DTNB: variants seen among roughly 807,000 people sequenced by gnomAD.
The protein encoded by DTNB is DTN-B.
In DTNB, 63 loss-of-function variants were observed where a neutral mutation model predicts 90.7. That is an observed-to-expected ratio of 0.69 (90% CI 0.57 to 0.86). DTNB has a LOEUF of 0.86. Ranked by LOEUF, DTNB falls within the 40% of genes least tolerant of loss-of-function variation. The pLI, the probability that DTNB is intolerant of heterozygous loss-of-function variation, is 0.00. For synonymous variants in DTNB, 277 were observed against 286.7 expected (o/e 0.97, Z 0.34); for missense variants, 744 against 807.1 (o/e 0.92, Z 0.95).
chr2:25,443,056 AC>A (rs955291378), intron 12 of DTNB, among the ~76,000 whole-genome samples: 9 of 152,324 alleles, frequency 5.9e-5, no homozygotes, highest in Admixed American at 5.9e-4. Flanking sequence ...AGTTTAGGAG[AC>A]AAAAGGTGAG....
At chr2:25,578,801 A>C (rs1245181043) in intron 7 of DTNB, among the ~76,000 whole-genome samples, 1 of 152,194 alleles carries the variant, frequency 6.6e-6, no homozygotes, top group Non-Finnish European at 1.5e-5. Context: ...ACTTTTGCTT[A>C]AGTGAATATT....
chr2:25,532,242 T>C (rs1046377902), intron 8 of DTNB, among the ~76,000 whole-genome samples: 4 of 118,318 alleles, frequency 3.4e-5, no homozygotes, highest in African/African-American at 1.1e-4. Flanking sequence ...CAAAACTCTG[T>C]CTCAAAAAAA....
chr2:25,599,842 C>A (rs1343941164), intron 5 of DTNB, among the ~76,000 whole-genome samples: 1 of 152,144 alleles, frequency 6.6e-6, no homozygotes, highest in Non-Finnish European at 1.5e-5. Flanking sequence ...CACCTGTAAT[C>A]CCAGAACTTT....
At chr2:25,475,857 T>C (rs1307922385) in intron 10 of DTNB, among the ~76,000 whole-genome samples, 1 of 152,170 alleles carries the variant, frequency 6.6e-6, no homozygotes, top group African/African-American at 2.4e-5. Flanking sequence ...TGACAGCACA[T>C]CTGTTTACAG....
At chr2:25,527,405 C>T (rs978428072) in intron 9 of DTNB, among the ~76,000 whole-genome samples, 1 of 152,130 alleles carries the variant, frequency 6.6e-6, no homozygotes, top group South Asian at 2.1e-4. Flanking sequence ...TGCCTGTAGT[C>T]CCAGCTACTC....
chr2:25,384,616 G>A (rs2038939138), intron 18 of DTNB, among the ~76,000 whole-genome samples: 1 of 152,200 alleles, frequency 6.6e-6, no homozygotes, highest in South Asian at 2.1e-4. Flanking sequence ...CTACAGAGGA[G>A]AAAACTAGGA....
intron 8 of DTNB, among the ~76,000 whole-genome samples, chr2:25,551,098 G>A (rs2083552738): frequency 2.0e-5 from 3 of 152,158 alleles, no homozygotes; most frequent in African/African-American, 7.2e-5. Context: ...AGTTTTGGAA[G>A]AACTTCTTCT....
chr2:25,450,660 T>A (rs1238518564), intron 12 of DTNB, among the ~76,000 whole-genome samples: 1 of 152,258 alleles, frequency 6.6e-6, no homozygotes, highest in East Asian at 1.9e-4. Context: ...CAATATTAAA[T>A]CTTTTAATCC....
Position 25,383,829 on chromosome 2 carries a change from C to A in DTNB, c.1879+7G>T, listed in dbSNP as rs2038634651. 1 of 1,613,906 alleles carries A rather than the reference C, an allele frequency of 6.2e-7. No individual in the cohort carries two copies. Among genetic ancestry groups the A allele is most frequent in the African/African-American group, 1.3e-5 (1 of 74,906 alleles). On this transcript the variant is annotated splice_region_variant and intron_variant, in intron 19 of 20. Coordinates refer to ENST00000406818, the MANE Select transcript of DTNB (RefSeq NM_021907.5). ...TTAAACGAGCAGTCCTGCTGAGCTG[C>A]CTTTACCTCTGTCTTTCCCATTCTG...
At chr2:25,642,433 T>C (rs1282951290) in intron 2 of DTNB, among the ~76,000 whole-genome samples, 1 of 151,778 alleles carries the variant, frequency 6.6e-6, no homozygotes, top group African/African-American at 2.4e-5. Flanking sequence ...TTTTTTTTTT[T>C]AGACAGGGTC....
At chr2:25,511,776 C>A (rs1206149187) in intron 9 of DTNB, among the ~76,000 whole-genome samples, 1 of 152,124 alleles carries the variant, frequency 6.6e-6, no homozygotes, top group Non-Finnish European at 1.5e-5. Context: ...TTTAAAAATT[C>A]ATCTCAATAA....
intron 8 of DTNB, among the ~76,000 whole-genome samples, chr2:25,574,004 A>C (rs2148098764): frequency 6.6e-6 from 1 of 152,154 alleles, no homozygotes; most frequent in South Asian, 2.1e-4. Context: ...GATAGCAGAG[A>C]GGGTACAGAA....
rs2062191946 is a variant in DTNB at position 25,585,354 on chromosome 2, AT to A, written c.604-4529del. ...GCCTGATCCACTGAGCGAAACCACC[AT>A]GATTTATGCCTCCCTCTATAAAACA... On this transcript the variant is annotated intron_variant, in intron 6 of 20. Transcript: ENST00000406818. Among the ~76,000 whole-genome samples the A allele has an allele frequency of 3.3e-5, 5 of 152,296 alleles. No individual in the cohort carries two copies. The South Asian group carries it at 1.0e-3, about 32-fold the overall frequency.
intron 16 of DTNB, among the ~76,000 whole-genome samples, chr2:25,404,138 TA>T (rs2044434319): frequency 6.6e-6 from 1 of 152,066 alleles, no homozygotes; most frequent in Non-Finnish European, 1.5e-5. Context: ...TGAAAGGTGT[TA>T]GGGGTAGGGG....
intron 1 of DTNB, among the ~76,000 whole-genome samples, chr2:25,654,568 A>G (rs1342602706): frequency 6.6e-6 from 1 of 152,246 alleles, no homozygotes; most frequent in East Asian, 1.9e-4. Flanking sequence ...CCACTTGTTC[A>G]ATATGATATT....
At chr2:25,631,917 G>A (rs577747909) in intron 3 of DTNB, among the ~76,000 whole-genome samples, 131 of 152,158 alleles carry the variant, frequency 8.6e-4, no homozygotes, top group African/African-American at 2.5e-3. Context: ...ATCCTTGGCC[G>A]GGCACAGTGG....
chr2:25,569,862 C>T (rs575610203), intron 8 of DTNB, among the ~76,000 whole-genome samples: 8 of 151,916 alleles, frequency 5.3e-5, no homozygotes, highest in Non-Finnish European at 8.8e-5. Flanking sequence ...TTTGGAAGGC[C>T]GAGGCGGGCA....
At chr2:25,603,056 C>T (rs2066244788) in intron 5 of DTNB, among the ~76,000 whole-genome samples, 2 of 152,142 alleles carry the variant, frequency 1.3e-5, no homozygotes, top group African/African-American at 4.8e-5. Flanking sequence ...TAAAGCCTTC[C>T]TGATACATAT....
intron 8 of DTNB, among the ~76,000 whole-genome samples, chr2:25,568,570 A>C (rs2059380572): frequency 6.6e-6 from 1 of 152,238 alleles, no homozygotes; most frequent in Admixed American, 6.5e-5. Context: ...AGTAAATATT[A>C]TAGTTAGTTG....
Sources: allele counts gnomAD v4.1 joint callset (sites outside exome capture counted in the v4.1 genomes callset), GRCh38; gene constraint gnomAD v4.1.1; transcripts MANE v1.5; gene names NCBI Gene and HGNC (gene_info 2026-07-23, HGNC 2026-07-21).